GARIN2: variants seen among roughly 807,000 people sequenced by gnomAD.
GARIN2 encodes the protein Golgi-associated RAB2 interactor protein 2.
the GARIN2 span, chr14:67,208,121 T>A: frequency 6.4e-7 from 1 of 1,555,152 alleles, no homozygotes; most frequent in African/African-American, 1.4e-5. Context: ...AAATGGTGCC[T>A]GTATTCGATA....
the GARIN2 span, among the ~76,000 whole-genome samples, chr14:67,226,230 C>T: frequency 2.0e-5 from 3 of 152,076 alleles, no homozygotes; most frequent in African/African-American, 4.8e-5. Flanking sequence ...CTTGCTCTGT[C>T]GCCCAGGCTG....
the GARIN2 span, among the ~76,000 whole-genome samples, chr14:67,212,516 G>T: frequency 1.3e-4 from 20 of 150,206 alleles, no homozygotes; most frequent in Middle Eastern, 3.4e-3. Context: ...ACCTAATCCT[G>T]GGGGGTTGAG....
the GARIN2 span, among the ~76,000 whole-genome samples, chr14:67,225,981 A>G: frequency 0.2 from 23,138 of 117,514 alleles, 3,376 homozygotes; most frequent in East Asian, 0.45. Context: ...GCGCGTGCGC[A>G]TGCGCGTGCA....
At chr14:67,212,767 T>G in the GARIN2 span, among the ~76,000 whole-genome samples, 2 of 150,928 alleles carry the variant, frequency 1.3e-5, no homozygotes, top group Admixed American at 6.6e-5. Context: ...CCTAACAAAG[T>G]ATAGGCCAAG....
chr14:67,197,862 T>A, the GARIN2 span, among the ~76,000 whole-genome samples: 1 of 152,030 alleles, frequency 6.6e-6, no homozygotes, highest in East Asian at 1.9e-4. Flanking sequence ...ACTATATGTA[T>A]CTGTTTTCAA....
the GARIN2 span, among the ~76,000 whole-genome samples, chr14:67,191,285 C>T: frequency 2.4e-4 from 36 of 152,222 alleles, no homozygotes; most frequent in Admixed American, 1.8e-3. Flanking sequence ...GTAAAAAGAC[C>T]CAGAATCCAG....
the GARIN2 span, among the ~76,000 whole-genome samples, chr14:67,209,002 GAA>G: frequency 6.6e-6 from 1 of 151,806 alleles, no homozygotes; most frequent in Non-Finnish European, 1.5e-5. Context: ...TTTCAGATAG[GAA>G]AAGAGTAAGT....
the GARIN2 span, among the ~76,000 whole-genome samples, chr14:67,202,665 GT>G: frequency 2.0e-5 from 3 of 152,116 alleles, no homozygotes; most frequent in African/African-American, 7.2e-5. Context: ...CATATTATTT[GT>G]AAATTTGTAT....
At chr14:67,203,008 A>T in the GARIN2 span, 10 of 1,360,136 alleles carry the variant, frequency 7.4e-6, no homozygotes, top group Non-Finnish European at 1.0e-5. Context: ...TTTATTTCCT[A>T]CCCTCTCTTA....
At chr14:67,228,543 T>A in the GARIN2 span, 1,835 of 152,086 alleles carry the variant, frequency 0.012, 18 homozygotes, top group Non-Finnish European at 0.018. Flanking sequence ...CTATGACTAA[T>A]CATTACGAAT....
chr14:67,190,227 CT>C, the GARIN2 span, among the ~76,000 whole-genome samples: 191 of 123,480 alleles, frequency 1.5e-3, no homozygotes, highest in Middle Eastern at 5.5e-3. Flanking sequence ...TTGTTCTTTT[CT>C]TTTTTTTTTT....
At chr14:67,190,068 ATTTTTT>A in the GARIN2 span, among the ~76,000 whole-genome samples, 1 of 115,450 alleles carries the variant, frequency 8.7e-6, no homozygotes, top group African/African-American at 3.4e-5. Context: ...TGCCCAGCTA[ATTTTTT>A]TTTTTTTTTT....
the GARIN2 span, among the ~76,000 whole-genome samples, chr14:67,222,448 C>T: frequency 4.6e-5 from 7 of 152,202 alleles, no homozygotes; most frequent in South Asian, 6.2e-4. Flanking sequence ...TTTGCCACCA[C>T]GCCTAACTAA....
the GARIN2 span, among the ~76,000 whole-genome samples, chr14:67,217,082 G>C: frequency 6.6e-6 from 1 of 151,928 alleles, no homozygotes; most frequent in South Asian, 2.1e-4. Context: ...ATAAATCTGG[G>C]TGCTCCAGTG....
At chr14:67,202,094 G>A in the GARIN2 span, among the ~76,000 whole-genome samples, 2 of 152,154 alleles carry the variant, frequency 1.3e-5, no homozygotes, top group Non-Finnish European at 2.9e-5. Context: ...CTGGTCGATT[G>A]GTACGTGTTC....
At chr14:67,212,598 AAT>A in the GARIN2 span, among the ~76,000 whole-genome samples, 124 of 135,886 alleles carry the variant, frequency 9.1e-4, no homozygotes, top group African/African-American at 3.2e-3. Flanking sequence ...TGAAAAAAAA[AAT>A]ATATATATAT....
chr14:67,226,403 C>T, the GARIN2 span, among the ~76,000 whole-genome samples: 1 of 152,086 alleles, frequency 6.6e-6, no homozygotes, highest in African/African-American at 2.4e-5. Context: ...GCTCTGTCAC[C>T]AGGCTGGAGT....
At chr14:67,223,511 T>G in the GARIN2 span, among the ~76,000 whole-genome samples, 767 of 152,342 alleles carry the variant, frequency 5.0e-3, 3 homozygotes, top group Non-Finnish European at 7.1e-3. Flanking sequence ...GGGACTCATC[T>G]TCGACAATCT....
chr14:67,208,128 G>A, the GARIN2 span: 8 of 1,573,358 alleles, frequency 5.1e-6, no homozygotes, highest in Middle Eastern at 2.2e-4. Flanking sequence ...GCCTGTATTC[G>A]ATACTGTTCC....
Sources: allele counts gnomAD v4.1 joint callset (sites outside exome capture counted in the v4.1 genomes callset), GRCh38; gene constraint gnomAD v4.1.1; transcripts MANE v1.5; gene names NCBI Gene and HGNC (gene_info 2026-07-23, HGNC 2026-07-21).